The following CCDC178 variants were observed in gnomAD, a reference collection of about 807,000 sequenced individuals.
CCDC178 encodes coiled-coil domain-containing protein 178.
Under a neutral mutation model 117.4 loss-of-function variants are expected in CCDC178, and 126 were observed. The ratio of observed to expected loss-of-function variants is 1.07; its 90% CI spans 0.93 to 1.24. The LOEUF is 1.24. Among genes scored for constraint, CCDC178 ranks in the 50% most tolerant of loss-of-function variants. The pLI, the probability that CCDC178 is intolerant of heterozygous loss-of-function variation, is 0.00. For synonymous variants in CCDC178, 283 were observed against 313.4 expected, an observed-to-expected ratio of 0.90 and a Z score of 1.02; for missense variants, 1,030 against 986.9, an observed-to-expected ratio of 1.04 and a Z score of -0.59.
At chr18:33,239,704 T>A (rs2059464159) in intron 15 of CCDC178, among the ~76,000 whole-genome samples, 1 of 151,678 alleles carries the variant, frequency 6.6e-6, no homozygotes, top group African/African-American at 2.4e-5. Flanking sequence ...AGCACCCAGA[T>A]ATATAAAGCA....
At chr18:33,161,385 A>G (rs916428143) in intron 20 of CCDC178, among the ~76,000 whole-genome samples, 2 of 151,928 alleles carry the variant, frequency 1.3e-5, no homozygotes, top group African/African-American at 2.4e-5. Flanking sequence ...TGGGTGACAC[A>G]TTCTATCAGG....
Position 32,978,750 on chromosome 18 carries a change from G to T in CCDC178, c.2389-4069C>A, listed in dbSNP as rs186710565. On this transcript the variant is annotated intron_variant, in intron 21 of 22. Transcript: ENST00000383096. ...ACAAAAGATAGCTATAAGAGTTAGA[G>T]AAAAGGCCGGGCACGGTGGCTAACG... Among the ~76,000 whole-genome samples, 3 of 152,262 alleles carry T rather than the reference G, an allele frequency of 2.0e-5. No homozygotes were observed. The East Asian group carries it at 5.8e-4, about 30-fold the overall frequency.
intron 22 of CCDC178, among the ~76,000 whole-genome samples, chr18:32,943,853 C>G (rs1012518440): frequency 6.6e-6 from 1 of 152,156 alleles, no homozygotes; most frequent in African/African-American, 2.4e-5. Context: ...AAGATTCAAC[C>G]AGATATATTT....
chr18:33,024,146 C>T (rs1221190598), intron 21 of CCDC178, among the ~76,000 whole-genome samples: 4 of 152,178 alleles, frequency 2.6e-5, no homozygotes, highest in African/African-American at 4.8e-5. Context: ...CATGGTTTCA[C>T]TGGAGAATTC....
At chr18:32,942,510 A>C (rs983663910) in intron 22 of CCDC178, among the ~76,000 whole-genome samples, 1 of 152,090 alleles carries the variant, frequency 6.6e-6, no homozygotes, top group Non-Finnish European at 1.5e-5. Context: ...AAGTCAGAGC[A>C]CAAGAGAGTT....
chr18:33,191,312 A>G (rs2058855517), intron 20 of CCDC178, among the ~76,000 whole-genome samples: 1 of 152,142 alleles, frequency 6.6e-6, no homozygotes, highest in African/African-American at 2.4e-5. Context: ...AAGTCACATA[A>G]TGCTTAATTC....
chr18:33,185,286 T>C (rs1320989475), intron 20 of CCDC178, among the ~76,000 whole-genome samples: 1 of 151,826 alleles, frequency 6.6e-6, no homozygotes, highest in African/African-American at 2.4e-5. Context: ...TCTTCCAGAG[T>C]ATGCAGTGTG....
rs1491297463 is a variant in CCDC178, at chr18:33,086,968, TGA to T, written c.2388+5791_2388+5792del. Among the ~76,000 whole-genome samples, 9 of 79,246 alleles carry T rather than the reference TGA, an allele frequency of 1.1e-4. No individual in the cohort carries two copies. The East Asian group carries it at 1.5e-3, about 13-fold the overall frequency. 52.0% of individuals were successfully genotyped at this position (79,246 alleles called of 152,430 possible). A position where few individuals can be genotyped will look rare whatever the true frequency, so the allele number is the denominator to read the frequency against. On this transcript the variant is annotated intron_variant, in intron 21 of 22. Coordinates refer to ENST00000383096, the MANE Select transcript of CCDC178 (RefSeq NM_001105528.4). ...CTTTGGGAACAAAATAGCTATTGGT[TGA>T]CACACACACACACACACACACACAC...
intron 20 of CCDC178, among the ~76,000 whole-genome samples, chr18:33,179,106 T>TATATATAA (rs2058701727): frequency 9.5e-6 from 1 of 105,520 alleles, no homozygotes; most frequent in African/African-American, 4.7e-5. Flanking sequence ...TATATATATA[T>TATATATAA]ATAAACTATA....
chr18:33,267,134 A>G, intron 13 of CCDC178, 68 bp downstream of exon 13: 1 of 1,526,224 alleles, frequency 6.6e-7, no homozygotes, highest in Non-Finnish European at 8.9e-7. Flanking sequence ...TCACTTTTAG[A>G]TATATGAGTT....
At chr18:33,043,466 A>T (rs2056585990) in intron 21 of CCDC178, among the ~76,000 whole-genome samples, 1 of 152,044 alleles carries the variant, frequency 6.6e-6, no homozygotes, top group African/African-American at 2.4e-5. Context: ...TTACTTTACT[A>T]CTTTATGCTT....
chr18:33,267,576 A>G (rs541786379), intron 12 of CCDC178, among the ~76,000 whole-genome samples: 1 of 151,870 alleles, frequency 6.6e-6, no homozygotes, highest in East Asian at 1.9e-4. Flanking sequence ...CAAATATAAT[A>G]TAAAGAAACA....
At chr18:33,298,596 C>T (rs1048967137) in intron 11 of CCDC178, among the ~76,000 whole-genome samples, 5 of 152,142 alleles carry the variant, frequency 3.3e-5, no homozygotes, top group African/African-American at 1.2e-4. Flanking sequence ...AGTCTCAGCA[C>T]TCTCATTCAA....
chr18:33,086,521 C>T (rs533148883), intron 21 of CCDC178, among the ~76,000 whole-genome samples: 3 of 151,148 alleles, frequency 2.0e-5, no homozygotes, highest in Non-Finnish European at 4.4e-5. Flanking sequence ...AACACCAAGT[C>T]AATCAGTAGT....
intron 4 of CCDC178, among the ~76,000 whole-genome samples, chr18:33,393,360 A>T (rs1366916095): frequency 1.3e-5 from 2 of 152,088 alleles, no homozygotes; most frequent in African/African-American, 4.8e-5. Context: ...GAGTAAAACA[A>T]TTTTTTTATT....
At chr18:33,277,074 C>T (rs1043674460) in intron 12 of CCDC178, among the ~76,000 whole-genome samples, 3 of 152,014 alleles carry the variant, frequency 2.0e-5, no homozygotes, top group East Asian at 1.9e-4. Context: ...CTTATTTCCA[C>T]TACTATTTAA....
intron 5 of CCDC178, among the ~76,000 whole-genome samples, chr18:33,384,178 AAAAC>A (rs1449431030): frequency 6.6e-6 from 1 of 152,148 alleles, no homozygotes; most frequent in Non-Finnish European, 1.5e-5. Flanking sequence ...AGAATGAAAT[AAAAC>A]AAACAAAACC....
At chr18:33,264,411 G>A (rs2059789695) in intron 14 of CCDC178, among the ~76,000 whole-genome samples, 1 of 151,886 alleles carries the variant, frequency 6.6e-6, no homozygotes. Flanking sequence ...ACTCTTGCCT[G>A]CAAATCTCTT....
At chr18:33,233,658 T>G (rs1420392666) in intron 15 of CCDC178, among the ~76,000 whole-genome samples, 1 of 151,990 alleles carries the variant, frequency 6.6e-6, no homozygotes, top group Non-Finnish European at 1.5e-5. Context: ...GCCTAATACC[T>G]TTAAGAATTT....
Sources: allele counts gnomAD v4.1 joint callset (sites outside exome capture counted in the v4.1 genomes callset), GRCh38; gene constraint gnomAD v4.1.1; transcripts MANE v1.5; gene names NCBI Gene and HGNC (gene_info 2026-07-23, HGNC 2026-07-21).